The following MRPL49 variants were observed in gnomAD, a reference collection of about 807,000 sequenced individuals.
MRPL49 encodes the protein large ribosomal subunit protein mL49.
In MRPL49, 14 loss-of-function variants were observed where a neutral mutation model predicts 18.4. The ratio of observed to expected loss-of-function variants is 0.76; its 90% CI spans 0.50 to 1.19. The LOEUF (loss-of-function observed/expected upper bound fraction) is 1.19. MRPL49 is among the 50% of genes most tolerant of loss of function. The pLI is 0.00. For synonymous variants in MRPL49, 104 were observed against 86.2 expected (o/e 1.21, Z -1.14); for missense variants, 190 against 217.8 (o/e 0.87, Z 0.80).
At position 65,127,181 on chromosome 11, in the gene MRPL49, A is replaced by C. The variant is rs1590824194; in HGVS notation, c.*1309A>C. The C allele has an allele frequency of 1.7e-6, 1 of 573,446 alleles. No individual in the cohort carries two copies. Among genetic ancestry groups the C allele is most frequent in the Non-Finnish European group, 3.1e-6 (1 of 322,408 alleles). The allele number at this position is 573,446 out of a possible 1,614,324, so 35.5% of individuals were successfully genotyped here. A position where few individuals can be genotyped will look rare whatever the true frequency, so the allele number is the denominator to read the frequency against. The stretch of plus-strand genomic sequence containing the variant: ...AAGGATAGTGCTGGCTTCCATGGAA[A>C]CCCTCACTCCTGGAGATTCCATTCC... On this transcript the variant is annotated 3_prime_UTR_variant, in exon 4 of 4. Transcript: ENST00000279242.
chr11:65,127,124 T>A lies in MRPL49; in HGVS notation c.*1252T>A. The A allele has an allele frequency of 1.5e-6, 1 of 689,110 alleles. No individual in the cohort carries two copies. Among genetic ancestry groups the A allele is most frequent in the Non-Finnish European group, 2.6e-6 (1 of 378,932 alleles). 42.7% of individuals were successfully genotyped at this position (689,110 alleles called of 1,614,324 possible). A position where few individuals can be genotyped will look rare whatever the true frequency, so the allele number is the denominator to read the frequency against. ...TCTCTGTGTGTAAAATGGGCACATCTTCCTAATCTGTTAATGGTCAGTGGT... is the reference window on the plus strand; with the variant it reads ...TCTCTGTGTGTAAAATGGGCACATCATCCTAATCTGTTAATGGTCAGTGGT... On this transcript the variant is annotated 3_prime_UTR_variant, in exon 4 of 4. Coordinates refer to ENST00000279242, the MANE Select transcript of MRPL49 (RefSeq NM_004927.4).
chr11:65,123,330 G>T (rs1252666929), intron 1 of MRPL49, among the ~76,000 whole-genome samples: 2 of 152,150 alleles, frequency 1.3e-5, no homozygotes, highest in Non-Finnish European at 1.5e-5. Flanking sequence ...CCAAAGACTG[G>T]TGCTATCTTA....
chr11:65,122,820 C>A lies in MRPL49; in HGVS notation c.78+396C>A, dbSNP rs187832134. Reference sequence around the variant, plus strand: ...CTGCAAGCTCCGCCTCCCAGATTCACGCCATCCTCCTGCCTCAGCCTCCCG... The same window carrying A: ...CTGCAAGCTCCGCCTCCCAGATTCAAGCCATCCTCCTGCCTCAGCCTCCCG... On this transcript the variant is annotated intron_variant, in intron 1 of 3. Coordinates refer to ENST00000279242, the MANE Select transcript of MRPL49 (RefSeq NM_004927.4). Among the ~76,000 whole-genome samples, 14 of 151,434 alleles carry A rather than the reference C, an allele frequency of 9.2e-5. No homozygotes were observed. The East Asian group carries it at 2.7e-3, about 30-fold the overall frequency.
At chr11:65,125,403 C>T (rs1948089625) in intron 2 of MRPL49, 85 bp from the exon 3 acceptor site, 1 of 1,579,220 alleles carries the variant, frequency 6.3e-7, no homozygotes, top group Non-Finnish European at 8.6e-7. Flanking sequence ...TGCACTGGCC[C>T]TCTGCAGACT....
rs906973953 is a variant in MRPL49 at position 65,122,372 on chromosome 11, C to T, written c.26C>T (p.Thr9Met). 9 of 1,613,070 alleles carry T rather than the reference C, an allele frequency of 5.6e-6. No individual in the cohort carries two copies. Among genetic ancestry groups the T allele is most frequent in the Non-Finnish European group, 6.8e-6 (8 of 1,179,700 alleles). Reference sequence around the variant, plus strand: ...ATGGCAGCTACCATGTTCCGGGCTACGCTGCGGGGATGGAGAACCGGTGTC... The same window carrying T: ...ATGGCAGCTACCATGTTCCGGGCTATGCTGCGGGGATGGAGAACCGGTGTC... The part of the protein sequence containing the change: MAATMFRA[T>M]LRGWRTGVQR... The change falls in exon 1 of 4, where the codon ACG (threonine) becomes ATG (methionine). Residue 9 changes from threonine to methionine, a missense_variant. By Grantham distance (81) the Thr-to-Met change is moderately conservative. Coordinates refer to ENST00000279242, the MANE Select transcript of MRPL49 (RefSeq NM_004927.4).
rs879241035 is a variant in MRPL49 at position 65,126,025 on chromosome 11, G to C, written c.*153G>C. 36 of 820,888 alleles carry C rather than the reference G, an allele frequency of 4.4e-5. No homozygotes were observed. The East Asian group carries it at 4.5e-4, about 10-fold the overall frequency. 50.9% of individuals were successfully genotyped at this position (820,888 alleles called of 1,614,324 possible). On this transcript the variant is annotated 3_prime_UTR_variant, in exon 4 of 4. Coordinates refer to ENST00000279242, the MANE Select transcript of MRPL49 (RefSeq NM_004927.4). ...GGTCAGGCCTTGCTTGCATAAAGGA[G>C]AAAACAACTCTATGTACATGCTGGG... is the stretch of plus-strand genomic sequence containing the variant.
chr11:65,122,647 A>G (rs569294023), intron 1 of MRPL49, among the ~76,000 whole-genome samples: 1 of 151,890 alleles, frequency 6.6e-6, no homozygotes, highest in South Asian at 2.1e-4. Flanking sequence ...TGTCTATATA[A>G]GCCACAACGT....
In MRPL49 at chr11:65,122,822, C is replaced by T. The variant is rs975975950; in HGVS notation, c.78+398C>T. ...GCAAGCTCCGCCTCCCAGATTCACG[C>T]CATCCTCCTGCCTCAGCCTCCCGAG... On this transcript the variant is annotated intron_variant, in intron 1 of 3. Coordinates refer to ENST00000279242, the MANE Select transcript of MRPL49 (RefSeq NM_004927.4). Among the ~76,000 whole-genome samples, 13 of 151,824 alleles carry T rather than the reference C, an allele frequency of 8.6e-5. 1 individual carries two copies. The highest frequency in any genetic ancestry group is 2.6e-4 in the Admixed American group (4 of 15,240).
In MRPL49 at chr11:65,124,611, A is replaced by G; in HGVS notation, c.188A>G (p.His63Arg). The change falls in exon 2 of 4, where the codon CAT (histidine) becomes CGT (arginine). Residue 63 changes from histidine (H) to arginine (R), a missense_variant. His to Arg is a conservative substitution (Grantham distance 29). Coordinates refer to ENST00000279242, the MANE Select transcript of MRPL49 (RefSeq NM_004927.4). Reference sequence around the variant, plus strand: ...ACCAGGATCCCAGATCCCCCAAAGCATGAACATTATCCTACCCCTAGTGGC... The same window carrying G: ...ACCAGGATCCCAGATCCCCCAAAGCGTGAACATTATCCTACCCCTAGTGGC... ...PATRIPDPPK[H>R]EHYPTPSGWQ... The G allele has an allele frequency of 6.2e-7, 1 of 1,614,194 alleles. No homozygotes were observed. The highest frequency in any genetic ancestry group is 8.5e-7 in the Non-Finnish European group (1 of 1,180,042).
chr11:65,122,291 A>G (rs1044710078), upstream of MRPL49: 2 of 1,587,076 alleles, frequency 1.3e-6, no homozygotes, highest in African/African-American at 2.7e-5. Flanking sequence ...CAGCTCGCGC[A>G]GGACGGGGCG....
In MRPL49 at chr11:65,126,090, G is replaced by A; in HGVS notation, c.*218G>A. 2 of 485,294 alleles carry A rather than the reference G, an allele frequency of 4.1e-6. No individual in the cohort carries two copies. The highest frequency in any genetic ancestry group is 3.9e-5 in the Admixed American group (1 of 25,972). The allele number at this position is 485,294 out of a possible 1,614,324, so 30.1% of individuals were successfully genotyped here. On this transcript the variant is annotated 3_prime_UTR_variant, in exon 4 of 4. Transcript: ENST00000279242. Reference sequence around the variant, plus strand: ...GTGGGAGACCAAATAGGGATCACCAGGCTAATGGGGGGCGTCAGCAGCTTT... The same window carrying A: ...GTGGGAGACCAAATAGGGATCACCAAGCTAATGGGGGGCGTCAGCAGCTTT...
chr11:65,125,386 A>G (rs1948089325), intron 2 of MRPL49, 102 bp from the exon 3 acceptor site: 1 of 1,511,658 alleles, frequency 6.6e-7, no homozygotes, highest in Non-Finnish European at 9.0e-7. Context: ...GGCTTGGTCC[A>G]GCTGGGTGCA....
In MRPL49 at chr11:65,125,791, C is replaced by A; in HGVS notation, c.420C>A (p.Val140=). The stretch of plus-strand genomic sequence containing the variant: ...TGGGGAAGACACCTGTCACCCAGGT[C>A]AATGAGGTGACAGGTACCCTACGGA... ...PLLGKTPVTQ[V]NEVTGTLRIK... The change falls in exon 4 of 4, where the codon GTC becomes GTA. Residue 140 remains valine, a synonymous_variant. Transcript: ENST00000279242. The A allele has an allele frequency of 6.2e-7, 1 of 1,613,284 alleles. No homozygotes were observed. The highest frequency in any genetic ancestry group is 1.1e-5 in the South Asian group (1 of 91,024).
chr11:65,126,203 T>C lies in MRPL49; in HGVS notation c.*331T>C. The C allele has an allele frequency of 5.3e-6, 1 of 189,086 alleles. No homozygotes were observed. Among genetic ancestry groups the C allele is most frequent in the Non-Finnish European group, 1.1e-5 (1 of 92,442 alleles). The allele number at this position is 189,086 out of a possible 1,614,324, so 11.7% of individuals were successfully genotyped here. ...CAGGGTGGAGTGCAGTGGCATGATCTTGGCTCACTGCAACTTCCACCTCTG... is the reference window on the plus strand; with the variant it reads ...CAGGGTGGAGTGCAGTGGCATGATCCTGGCTCACTGCAACTTCCACCTCTG... On this transcript the variant is annotated 3_prime_UTR_variant, in exon 4 of 4. Coordinates refer to ENST00000279242, the MANE Select transcript of MRPL49 (RefSeq NM_004927.4).
At chr11:65,124,362 T>G in intron 1 of MRPL49, 140 bp from the exon 2 acceptor site, 2 of 845,306 alleles carry the variant, frequency 2.4e-6, no homozygotes, top group Non-Finnish European at 3.7e-6. Context: ...ATTTTGATTC[T>G]GATAGCTTTC....
At chr11:65,122,225 A>G (rs1948057082), upstream of MRPL49, 6 of 1,056,952 alleles carry the variant, frequency 5.7e-6, no homozygotes, top group South Asian at 1.5e-5. Context: ...TGTACCGCCC[A>G]AGGCAGTCCT....
At chr11:65,124,291 C>G (rs140060397) in intron 1 of MRPL49, among the ~76,000 whole-genome samples, 111 of 152,322 alleles carry the variant, frequency 7.3e-4, no homozygotes, top group African/African-American at 2.5e-3. Context: ...CCCAAGAACT[C>G]TCTCTTCGTG....
intron 1 of MRPL49, among the ~76,000 whole-genome samples, chr11:65,124,061 T>A (rs927261628): frequency 6.6e-6 from 1 of 152,202 alleles, no homozygotes; most frequent in Non-Finnish European, 1.5e-5. Context: ...CTAATTTTTG[T>A]ATTTTCAGTA....
intron 3 of MRPL49, 45 bp from the exon 4 acceptor site, chr11:65,125,681 A>AG: frequency 6.2e-7 from 1 of 1,611,438 alleles, no homozygotes; most frequent in Middle Eastern, 1.7e-4. Flanking sequence ...AGTCTTTTTA[A>AG]GGGAAGGGAC....
Sources: gnomAD v4.1 joint callset for allele counts (sites outside exome capture counted in the v4.1 genomes callset) on GRCh38, gnomAD v4.1.1 for gene constraint, MANE v1.5 for transcripts, NCBI Gene and HGNC (gene_info 2026-07-23, HGNC 2026-07-21) for gene names.